ACBD3: variants seen among roughly 807,000 people sequenced by gnomAD.
ACBD3 encodes the protein acyl-CoA binding domain containing 3.
In ACBD3, 30 loss-of-function variants were observed where a neutral mutation model predicts 66.9. That is an observed-to-expected ratio of 0.45 (90% CI 0.34 to 0.61). The LOEUF is 0.61. Among genes scored for constraint, ACBD3 ranks in the 20% least tolerant of loss-of-function variants. The pLI is 0.02. For synonymous variants in ACBD3, 278 were observed against 259.8 expected, an observed-to-expected ratio of 1.07 and a Z score of -0.68; for missense variants, 544 against 664.5, an observed-to-expected ratio of 0.82 and a Z score of 1.99.
chr1:226,152,334 C>T lies in ACBD3; in HGVS notation c.1375+1G>A. The T allele has an allele frequency of 6.2e-7, 1 of 1,613,676 alleles. No individual in the cohort carries two copies. Among genetic ancestry groups the T allele is most frequent in the South Asian group, 1.1e-5 (1 of 91,040 alleles). ...TACTGAATATGGACCAAGGGTTCTA[C>T]CTTCTTCCTCCTCGTCGTCATCGCT... On this transcript the variant is annotated splice_donor_variant, in intron 7 of 7. Coordinates refer to ENST00000366812, the MANE Select transcript of ACBD3 (RefSeq NM_022735.4). LOFTEE classifies it high-confidence loss of function.
At chr1:226,164,743 C>T (rs994321872) in intron 3 of ACBD3, 46 bp downstream of exon 3, 6 of 1,575,680 alleles carry the variant, frequency 3.8e-6, no homozygotes, top group Admixed American at 1.8e-5. Flanking sequence ...AGCATCAGTA[C>T]ACTGGGCTGC....
At chr1:226,158,400 T>C (rs1173120519) in intron 5 of ACBD3, among the ~76,000 whole-genome samples, 1 of 152,170 alleles carries the variant, frequency 6.6e-6, no homozygotes, top group Non-Finnish European at 1.5e-5. Context: ...GAATGTAAAA[T>C]TAGTGTCTTC....
At chr1:226,171,871 T>A (rs920557869) in intron 1 of ACBD3, among the ~76,000 whole-genome samples, 4 of 151,756 alleles carry the variant, frequency 2.6e-5, no homozygotes, top group African/African-American at 7.3e-5. Context: ...AAGAAGAATA[T>A]GTGGCCACAC....
At chr1:226,155,862 T>C (rs1349193076) in intron 5 of ACBD3, among the ~76,000 whole-genome samples, 1 of 152,236 alleles carries the variant, frequency 6.6e-6, no homozygotes, top group Non-Finnish European at 1.5e-5. Flanking sequence ...ATAGTTATGA[T>C]TGAAATGTGT....
chr1:226,146,814 G>C lies in ACBD3; in HGVS notation c.1383C>G (p.Ile461Met). The change falls in exon 8 of 8, where the codon ATC (isoleucine) becomes ATG (methionine). Residue 461 changes from isoleucine (I) to methionine (M), a missense_variant. This residue lies in a region of ACBD3 where 383 missense variants were observed against 462.4 expected (regional missense o/e 0.83). Transcript: ENST00000366812. ...SDDDEEEEENIGCEEKAKKNA... is the reference protein window; with the variant it reads ...SDDDEEEEENMGCEEKAKKNA... ...TCTTTTTGGCTTTCTCTTCACAACCGATGTTTTCTGTAAGAACAGAGACAA... is the reference window on the plus strand; with the variant it reads ...TCTTTTTGGCTTTCTCTTCACAACCCATGTTTTCTGTAAGAACAGAGACAA... 1.2e-6 allele frequency: 2 copies of C among 1,614,008 alleles called. No homozygotes were observed. Among genetic ancestry groups the C allele is most frequent in the South Asian group, 1.1e-5 (1 of 91,058 alleles).
intron 1 of ACBD3, among the ~76,000 whole-genome samples, chr1:226,167,224 G>C (rs377298461): frequency 1.1e-4 from 17 of 152,266 alleles, no homozygotes; most frequent in African/African-American, 4.1e-4. Flanking sequence ...ACTTTGAAAG[G>C]CTGTATTCAA....
chr1:226,152,476 C>T lies in ACBD3; in HGVS notation c.1234G>A (p.Glu412Lys). ...AATTCCCAAAAGAGATATGATCCTT[C>T]TTCATGGGTGGGTACTCGAACAGTG... ...VVTVRVPTHE[E>K]GSYLFWEFAT... The change falls in exon 7 of 8, where the codon GAA (glutamate) becomes AAA (lysine). Residue 412 changes from glutamate to lysine, a missense_variant. Physicochemically the swap from Glu to Lys is moderately conservative, Grantham distance 56. Around this residue, in one of 3 missense-constraint regions of ACBD3, gnomAD observed 383 missense variants for 462.4 expected, o/e 0.83. Transcript: ENST00000366812. 1 of 1,614,214 alleles carries T rather than the reference C, an allele frequency of 6.2e-7. No individual in the cohort carries two copies. Among genetic ancestry groups the T allele is most frequent in the Non-Finnish European group, 8.5e-7 (1 of 1,180,040 alleles).
chr1:226,171,823 G>GT (rs1383902066), intron 1 of ACBD3, among the ~76,000 whole-genome samples: 1 of 151,862 alleles, frequency 6.6e-6, no homozygotes, highest in Non-Finnish European at 1.5e-5. Flanking sequence ...GATTACAGAC[G>GT]TGAGCCACCG....
intron 1 of ACBD3, among the ~76,000 whole-genome samples, chr1:226,172,108 T>C (rs1022971315): frequency 7.5e-6 from 1 of 132,870 alleles, no homozygotes; most frequent in Non-Finnish European, 1.5e-5. Context: ...TGAGCCGAGA[T>C]CGTGCCACTG....
At chr1:226,165,084 T>C (rs567037648) in intron 2 of ACBD3, among the ~76,000 whole-genome samples, 155 bp from the exon 3 acceptor site, 13 of 152,348 alleles carry the variant, frequency 8.5e-5, no homozygotes, top group East Asian at 1.9e-4. Context: ...CAAGTATGTA[T>C]TGATTTACTA....
At chr1:226,175,408 C>G (rs927929162) in intron 1 of ACBD3, among the ~76,000 whole-genome samples, 3 of 152,138 alleles carry the variant, frequency 2.0e-5, no homozygotes, top group Admixed American at 2.0e-4. Flanking sequence ...GACAGTTGGG[C>G]AGCCGACTTA....
At chr1:226,162,475 C>CT (rs1320310339) in intron 3 of ACBD3, among the ~76,000 whole-genome samples, 2 of 152,002 alleles carry the variant, frequency 1.3e-5, no homozygotes, top group African/African-American at 2.4e-5. Context: ...TTTTGTAAAG[C>CT]TTTTAATTTA....
In ACBD3 at chr1:226,162,171, G is replaced by A. The variant is rs898948385; in HGVS notation, c.570-482C>T. ...TGGAAAGAACAAGCACTCGACAAAC[G>A]TGTACAGAAGTAAAAAATCCACCCT... On this transcript the variant is annotated intron_variant, in intron 3 of 7. Coordinates refer to ENST00000366812, the MANE Select transcript of ACBD3 (RefSeq NM_022735.4). Among the ~76,000 whole-genome samples the A allele has an allele frequency of 2.0e-4, 31 of 151,964 alleles. 2 individuals are homozygous for A. Among genetic ancestry groups the A allele is most frequent in the African/African-American group, 4.1e-4 (17 of 41,366 alleles).
Position 226,158,549 on chromosome 1 carries a change from A to C in ACBD3, c.903+635T>G, listed in dbSNP as rs902622189. On this transcript the variant is annotated intron_variant, in intron 5 of 7. Coordinates refer to ENST00000366812, the MANE Select transcript of ACBD3 (RefSeq NM_022735.4). ...AAAGAAAGAGCAGAACAATCAGAGCAGTAATAACTTGTCTGAGATCAAACA... is the reference window on the plus strand; with the variant it reads ...AAAGAAAGAGCAGAACAATCAGAGCCGTAATAACTTGTCTGAGATCAAACA... 4.6e-5 allele frequency among the ~76,000 whole-genome samples: 7 copies of C among 152,348 alleles called. No individual in the cohort carries two copies. In the East Asian group the frequency reaches 9.6e-4, roughly 21 times the overall value.
intron 3 of ACBD3, among the ~76,000 whole-genome samples, chr1:226,162,357 T>A (rs1454445272): frequency 1.3e-5 from 2 of 152,070 alleles, no homozygotes; most frequent in Non-Finnish European, 2.9e-5. Context: ...AGAGTGGAAT[T>A]AAAAGAAATG....
At chr1:226,165,460 C>T (rs183510685) in intron 2 of ACBD3, among the ~76,000 whole-genome samples, 25 of 152,246 alleles carry the variant, frequency 1.6e-4, no homozygotes, top group Admixed American at 1.5e-3. Context: ...CATGAACTGC[C>T]GCACCTGGCC....
At chr1:226,149,559 G>C in intron 7 of ACBD3, among the ~76,000 whole-genome samples, 1 of 3,432 alleles carries the variant, frequency 2.9e-4, no homozygotes, top group Non-Finnish European at 1.1e-3. Context: ...TTTTTTTTTT[G>C]AGATGGGGTC....
chr1:226,169,152 T>G (rs1659934341), intron 1 of ACBD3, among the ~76,000 whole-genome samples: 1 of 151,970 alleles, frequency 6.6e-6, no homozygotes. Context: ...CGTGAGCCAC[T>G]GTGCCCACCC....
intron 7 of ACBD3, among the ~76,000 whole-genome samples, chr1:226,150,175 C>T (rs1361296162): frequency 6.6e-6 from 1 of 151,058 alleles, no homozygotes; most frequent in Non-Finnish European, 1.5e-5. Flanking sequence ...CCTCTTGCCT[C>T]AGCCTCCCAT....
Sources: gnomAD v4.1 joint callset for allele counts (sites outside exome capture counted in the v4.1 genomes callset) on GRCh38, gnomAD v4.1.1 for gene constraint, gnomAD v4.1.1 regional missense constraint, MANE v1.5 for transcripts, NCBI Gene and HGNC (gene_info 2026-07-23, HGNC 2026-07-21) for gene names.